Variants in KLHL1 observed in about 807,000 individuals in gnomAD.
KLHL1 encodes kelch like family member 1.
KLHL1 carries 47 observed loss-of-function variants against 77.7 expected under a neutral mutation model. The ratio of observed to expected loss-of-function variants is 0.60; its 90% confidence interval spans 0.48 to 0.77. KLHL1 has a LOEUF of 0.77. Ranked by LOEUF, KLHL1 falls within the 30% of genes least tolerant of loss-of-function variation. KLHL1 has a pLI of 0.00. For synonymous variants in KLHL1, 360 were observed against 325.2 expected, an observed-to-expected ratio of 1.11 and a Z score of -1.15; for missense variants, 925 against 910.8, an observed-to-expected ratio of 1.02 and a Z score of -0.20.
At chr13:69,988,066 C>A (rs1029376498) in intron 1 of KLHL1, among the ~76,000 whole-genome samples, 2 of 151,724 alleles carry the variant, frequency 1.3e-5, no homozygotes, top group African/African-American at 4.8e-5. Context: ...CAGGTACAAG[C>A]ATAATACTAA....
chr13:69,845,359 G>T (rs944954579), intron 5 of KLHL1, among the ~76,000 whole-genome samples: 1 of 151,626 alleles, frequency 6.6e-6, no homozygotes, highest in South Asian at 2.1e-4. Context: ...CAAATTCAAT[G>T]AATGTACTTC....
At chr13:69,901,996 C>T (rs1249231762) in intron 4 of KLHL1, among the ~76,000 whole-genome samples, 1 of 152,042 alleles carries the variant, frequency 6.6e-6, no homozygotes, top group East Asian at 1.9e-4. Context: ...GACAGGGTTT[C>T]TCCATCTTGG....
At chr13:69,744,567 T>A (rs1308652517) in intron 7 of KLHL1, among the ~76,000 whole-genome samples, 1 of 151,312 alleles carries the variant, frequency 6.6e-6, no homozygotes, top group East Asian at 1.9e-4. Flanking sequence ...CATGTAAGTG[T>A]TCAGTTTGAT....
At chr13:69,740,250 G>T in intron 8 of KLHL1, 144 bp downstream of exon 8, 1 of 588,454 alleles carries the variant, frequency 1.7e-6, no homozygotes, top group Non-Finnish European at 2.8e-6. Context: ...GAGAGCACCA[G>T]TCTTTATTTG....
Position 70,108,439 on chromosome 13 carries a change from G to A in KLHL1, c.-740C>T, listed in dbSNP as rs1346806342. The A allele has an allele frequency of 3.3e-5, 5 of 153,486 alleles. No homozygotes were observed. Among genetic ancestry groups the A allele is most frequent in the Non-Finnish European group, 7.2e-5 (5 of 69,094 alleles). 9.5% of individuals were successfully genotyped at this position (153,486 alleles called of 1,614,324 possible). ...AAAAGCCCGCCTGTGAAGCTGTCAA[G>A]GTCCTCACAGTACAATTTTCTCTCT... On this transcript the variant is annotated 5_prime_UTR_variant, in exon 1 of 11. Transcript: ENST00000377844.
At chr13:69,884,550 C>G (rs925950917) in intron 4 of KLHL1, among the ~76,000 whole-genome samples, 2 of 151,900 alleles carry the variant, frequency 1.3e-5, no homozygotes, top group African/African-American at 4.8e-5. Flanking sequence ...ACACAGAACT[C>G]TATAGCTAGG....
intron 5 of KLHL1, among the ~76,000 whole-genome samples, chr13:69,857,005 CT>C (rs1243797408): frequency 6.6e-6 from 1 of 151,970 alleles, no homozygotes; most frequent in Admixed American, 6.6e-5. Flanking sequence ...TGCTGTTTCC[CT>C]GAATAATACC....
chr13:69,959,871 T>G (rs1042055982), intron 3 of KLHL1, among the ~76,000 whole-genome samples: 1 of 151,988 alleles, frequency 6.6e-6, no homozygotes, highest in Admixed American at 6.6e-5. Flanking sequence ...TGGCCTGTGC[T>G]CTCCCTCTGA....
intron 1 of KLHL1, among the ~76,000 whole-genome samples, chr13:70,036,879 T>A (rs1886253904): frequency 8.5e-6 from 1 of 117,554 alleles, no homozygotes; most frequent in African/African-American, 3.2e-5. Context: ...TTTTTAAAGC[T>A]AAGCATTCGA....
At chr13:69,794,256 G>T (rs1341799804) in intron 7 of KLHL1, among the ~76,000 whole-genome samples, 1 of 152,124 alleles carries the variant, frequency 6.6e-6, no homozygotes, top group Non-Finnish European at 1.5e-5. Flanking sequence ...CAGGCTTAGG[G>T]CTTCATGCCC....
chr13:69,705,723 T>C (rs990817811), intron 10 of KLHL1, among the ~76,000 whole-genome samples: 2 of 151,718 alleles, frequency 1.3e-5, no homozygotes, highest in African/African-American at 4.8e-5. Flanking sequence ...TAAAATAAAG[T>C]TGTTATAAAA....
At chr13:69,895,163 T>G (rs1318348496) in intron 4 of KLHL1, 1 of 472,300 alleles carries the variant, frequency 2.1e-6, no homozygotes, top group Non-Finnish European at 4.2e-6. Flanking sequence ...GAGAAGGTAG[T>G]CTTTAATTCT....
intron 1 of KLHL1, among the ~76,000 whole-genome samples, chr13:69,998,863 T>A (rs140486165): frequency 6.6e-6 from 1 of 152,012 alleles, no homozygotes; most frequent in African/African-American, 2.4e-5. Context: ...GTTGGAAAAG[T>A]CATTTTTTTG....
chr13:69,966,232 G>T (rs557857923), intron 2 of KLHL1, among the ~76,000 whole-genome samples: 23 of 152,180 alleles, frequency 1.5e-4, no homozygotes, highest in African/African-American at 5.5e-4. Context: ...AAGCTTCAAA[G>T]GACAGGCTAA....
intron 9 of KLHL1, among the ~76,000 whole-genome samples, chr13:69,718,301 T>A (rs1299112777): frequency 6.6e-6 from 1 of 152,110 alleles, no homozygotes; most frequent in Non-Finnish European, 1.5e-5. Flanking sequence ...GTAGTACAAA[T>A]AAAAGAGAAT....
At chr13:69,803,910 T>C (rs1158890745) in intron 6 of KLHL1, among the ~76,000 whole-genome samples, 1 of 152,148 alleles carries the variant, frequency 6.6e-6, no homozygotes, top group Non-Finnish European at 1.5e-5. Flanking sequence ...GATAAGAATA[T>C]AGCCTAGCTA....
At chr13:69,917,252 TAAATA>T (rs1043981818) in intron 4 of KLHL1, among the ~76,000 whole-genome samples, 22 of 151,926 alleles carry the variant, frequency 1.4e-4, no homozygotes, top group African/African-American at 5.3e-4. Context: ...ACATTTTAAG[TAAATA>T]AAATGAAATG....
chr13:70,086,419 T>G lies in KLHL1; in HGVS notation c.497+20784A>C, dbSNP rs550281974. ...CCAACATGTCAAAACTCCATCTCTA[T>G]CAAAAATACAAAAATTAGCCTGGCG... On this transcript the variant is annotated intron_variant, in intron 1 of 10. Transcript: ENST00000377844. 2.8e-4 allele frequency among the ~76,000 whole-genome samples: 43 copies of G among 151,022 alleles called. 1 individual carries two copies. The highest frequency in any genetic ancestry group is 1.0e-3 in the African/African-American group (43 of 41,232).
At chr13:69,762,909 T>C (rs1257406738) in intron 7 of KLHL1, among the ~76,000 whole-genome samples, 4 of 151,858 alleles carry the variant, frequency 2.6e-5, no homozygotes, top group Admixed American at 6.6e-5. Flanking sequence ...AGGGCCAATG[T>C]AGATAAGGAA....
Sources: gnomAD v4.1 joint callset for allele counts (sites outside exome capture counted in the v4.1 genomes callset) on GRCh38, gnomAD v4.1.1 for gene constraint, MANE v1.5 for transcripts, NCBI Gene and HGNC (gene_info 2026-07-23, HGNC 2026-07-21) for gene names.